BMPR1A: variants seen among roughly 807,000 people sequenced by gnomAD.
BMPR1A encodes bone morphogenetic protein receptor type 1A.
In BMPR1A, 7 loss-of-function variants were observed where a neutral mutation model predicts 66.0. The ratio of observed to expected loss-of-function variants is 0.11; its 90% confidence interval spans 0.06 to 0.20. The LOEUF is 0.20. BMPR1A is among the 10% of genes least tolerant of loss of function. The pLI, the probability that BMPR1A is intolerant of heterozygous loss-of-function variation, is 1.00. For missense variants in BMPR1A, 408 were observed against 669.1 expected (o/e 0.61, Z 4.31); for synonymous variants, 200 against 229.7 (o/e 0.87, Z 1.17).
At chr10:86,882,421 T>A (rs966666405) in intron 3 of BMPR1A, among the ~76,000 whole-genome samples, 4 of 151,700 alleles carry the variant, frequency 2.6e-5, no homozygotes, top group Admixed American at 1.3e-4. Context: ...AGACCCTGTC[T>A]CAAAAAAATA....
chr10:86,880,805 T>G (rs1289999418), intron 3 of BMPR1A, among the ~76,000 whole-genome samples: 2 of 152,088 alleles, frequency 1.3e-5, no homozygotes, highest in Non-Finnish European at 2.9e-5. Context: ...CAAGGAAAAG[T>G]TCAAAGGATT....
intron 1 of BMPR1A, among the ~76,000 whole-genome samples, chr10:86,789,736 C>T (rs961348192): frequency 6.7e-6 from 1 of 149,148 alleles, no homozygotes; most frequent in African/African-American, 2.5e-5. Flanking sequence ...CAAACAAACA[C>T]GTAACTAACT....
At chr10:86,820,690 C>T (rs926407461) in intron 1 of BMPR1A, among the ~76,000 whole-genome samples, 9 of 152,164 alleles carry the variant, frequency 5.9e-5, no homozygotes, top group African/African-American at 1.7e-4. Context: ...GCCCTCCCCC[C>T]GGACTTCTCC....
chr10:86,881,357 A>G (rs1842982816), intron 3 of BMPR1A, among the ~76,000 whole-genome samples: 1 of 152,238 alleles, frequency 6.6e-6, no homozygotes, highest in Non-Finnish European at 1.5e-5. Flanking sequence ...TTCTAACATG[A>G]ACTGTGCCAC....
chr10:86,861,677 C>T (rs923886348), intron 2 of BMPR1A, among the ~76,000 whole-genome samples: 3 of 152,176 alleles, frequency 2.0e-5, no homozygotes, highest in African/African-American at 4.8e-5. Context: ...CCTTAAGCAA[C>T]ATTTTAGACA....
intron 2 of BMPR1A, among the ~76,000 whole-genome samples, chr10:86,857,250 A>G (rs1842655062): frequency 6.6e-6 from 1 of 152,046 alleles, no homozygotes; most frequent in Admixed American, 6.6e-5. Flanking sequence ...TGTTAGCATA[A>G]TCTCCCCCAT....
intron 2 of BMPR1A, chr10:86,855,728 T>G: frequency 1.2e-6 from 1 of 861,380 alleles, no homozygotes; most frequent in Non-Finnish European, 1.8e-6. Context: ...GGCATTAGCT[T>G]TGAGACCAGC....
intron 1 of BMPR1A, among the ~76,000 whole-genome samples, chr10:86,833,131 T>A (rs1235924345): frequency 6.6e-6 from 1 of 151,898 alleles, no homozygotes; most frequent in Non-Finnish European, 1.5e-5. Flanking sequence ...AGAAAAAAAA[T>A]TTACAGACTA....
chr10:86,892,979 C>G (rs1411227875), intron 5 of BMPR1A, among the ~76,000 whole-genome samples: 3 of 151,464 alleles, frequency 2.0e-5, no homozygotes, highest in Non-Finnish European at 4.4e-5. Context: ...ATAATTGCAG[C>G]TAACGTTTCT....
At position 86,912,343 on chromosome 10, in the gene BMPR1A, C is replaced by A. The variant is rs876658138; in HGVS notation, c.634C>A (p.Gln212Lys). 23 of 1,613,794 alleles carry A rather than the reference C, an allele frequency of 1.4e-5. No homozygotes were observed. Among genetic ancestry groups the A allele is most frequent in the Non-Finnish European group, 1.9e-5 (22 of 1,179,956 alleles). The change falls in exon 8 of 13, where the codon CAG (glutamine) becomes AAG (lysine). Residue 212 changes from glutamine (Q) to lysine (K), a missense_variant. This residue lies in a region of BMPR1A where 174 missense variants were observed against 265.1 expected (regional missense o/e 0.66). Transcript: ENST00000372037. ...AGAATCACTAAAAGACCTTATTGACCAGTCACAAAGTTCTGGTAGTGGGTC... is the reference window on the plus strand; with the variant it reads ...AGAATCACTAAAAGACCTTATTGACAAGTCACAAAGTTCTGGTAGTGGGTC... ...VGESLKDLID[Q>K]SQSSGSGSGL...
intron 1 of BMPR1A, among the ~76,000 whole-genome samples, chr10:86,807,295 A>G (rs1589725692): frequency 6.6e-6 from 1 of 152,204 alleles, no homozygotes; most frequent in Admixed American, 6.5e-5. Flanking sequence ...TTTCATTCTA[A>G]TTTCATTTCC....
At chr10:86,869,627 C>T (rs1842829175) in intron 2 of BMPR1A, among the ~76,000 whole-genome samples, 1 of 152,038 alleles carries the variant, frequency 6.6e-6, no homozygotes, top group African/African-American at 2.4e-5. Context: ...CGTGATGGCG[C>T]ATGCCTGTAA....
rs900092920 is a variant in BMPR1A at position 86,927,558 on chromosome 10, C to G, written c.*3839C>G. The G allele has an allele frequency of 5.0e-6, 1 of 200,132 alleles. No individual in the cohort carries two copies. The highest frequency in any genetic ancestry group is 2.3e-5 in the African/African-American group (1 of 43,444). 12.4% of individuals were successfully genotyped at this position (200,132 alleles called of 1,614,324 possible). A position where few individuals can be genotyped will look rare whatever the true frequency, so the allele number is the denominator to read the frequency against. On this transcript the variant is annotated 3_prime_UTR_variant, in exon 13 of 13. Coordinates refer to ENST00000372037, the MANE Select transcript of BMPR1A (RefSeq NM_004329.3). ...TGTGAAGCCACGTGTAATGATGGTCCCATAAGGAAAGTATGTGAATATGGC... is the reference window on the plus strand; with the variant it reads ...TGTGAAGCCACGTGTAATGATGGTCGCATAAGGAAAGTATGTGAATATGGC...
chr10:86,784,516 A>G (rs1421161886), intron 1 of BMPR1A, among the ~76,000 whole-genome samples: 3 of 152,266 alleles, frequency 2.0e-5, no homozygotes, highest in East Asian at 1.9e-4. Context: ...TTTTGAGAAT[A>G]TGTGCATCAA....
intron 1 of BMPR1A, among the ~76,000 whole-genome samples, chr10:86,831,847 C>G (rs1005857089): frequency 6.6e-6 from 1 of 152,170 alleles, no homozygotes; most frequent in Non-Finnish European, 1.5e-5. Context: ...TTGGATTTTT[C>G]TCTTCAATGC....
chr10:86,769,833 T>G (rs1841223602), intron 1 of BMPR1A, among the ~76,000 whole-genome samples: 1 of 152,216 alleles, frequency 6.6e-6, no homozygotes, highest in African/African-American at 2.4e-5. Flanking sequence ...GGCTGGTTTA[T>G]CTGTACCTAT....
chr10:86,761,934 C>G (rs945269580), intron 1 of BMPR1A, among the ~76,000 whole-genome samples: 11 of 152,134 alleles, frequency 7.2e-5, no homozygotes, highest in African/African-American at 2.7e-4. Context: ...TTCCACTTGG[C>G]AGTTGTCTAT....
At chr10:86,921,754 C>T in intron 11 of BMPR1A, 59 bp downstream of exon 11, 1 of 1,606,880 alleles carries the variant, frequency 6.2e-7, no homozygotes, top group Non-Finnish European at 8.5e-7. Flanking sequence ...AAAATAACAG[C>T]TCCAGTTATA....
intron 3 of BMPR1A, among the ~76,000 whole-genome samples, chr10:86,882,567 A>C (rs1007632315): frequency 6.6e-6 from 1 of 151,902 alleles, no homozygotes. Context: ...GGGCCCAAAG[A>C]GGACTTTTTG....
Sources: allele counts gnomAD v4.1 joint callset (sites outside exome capture counted in the v4.1 genomes callset), GRCh38; gene constraint gnomAD v4.1.1; regional missense constraint gnomAD v4.1.1; transcripts MANE v1.5; gene names NCBI Gene and HGNC (gene_info 2026-07-23, HGNC 2026-07-21).